The following PTPRR variants were observed in gnomAD, a reference collection of about 807,000 sequenced individuals.
PTPRR encodes receptor-type tyrosine-protein phosphatase R.
A neutral mutation model predicts 77.2 loss-of-function variants in PTPRR; 38 were observed. The ratio of observed to expected loss-of-function variants is 0.49; its 90% CI spans 0.38 to 0.65. PTPRR has a LOEUF of 0.65. Among genes scored for constraint, PTPRR ranks in the 30% least tolerant of loss-of-function variants. The pLI, the probability that PTPRR is intolerant of heterozygous loss-of-function variation, is 0.00. For missense variants in PTPRR, 744 were observed against 799.2 expected (o/e 0.93, Z 0.83); for synonymous variants, 299 against 283.1 (o/e 1.06, Z -0.57).
intron 10 of PTPRR, among the ~76,000 whole-genome samples, chr12:70,676,619 T>C (rs1371470069): frequency 1.3e-5 from 2 of 152,076 alleles, no homozygotes; most frequent in African/African-American, 4.8e-5. Context: ...AATGTGATAC[T>C]TCAGTGCATG....
At chr12:70,710,788 A>G (rs1032337048) in intron 6 of PTPRR, among the ~76,000 whole-genome samples, 3 of 152,334 alleles carry the variant, frequency 2.0e-5, no homozygotes, top group Non-Finnish European at 2.9e-5. Context: ...GTCAACAATC[A>G]TATGAAAAAA....
chr12:70,754,562 T>C (rs751944039), intron 4 of PTPRR: 1 of 1,596,430 alleles, frequency 6.3e-7, no homozygotes, highest in Non-Finnish European at 8.5e-7. Context: ...TAAACATCCC[T>C]CAGCGTCTCT....
chr12:70,779,536 T>C (rs4760744), intron 2 of PTPRR, among the ~76,000 whole-genome samples: 51,556 of 152,086 alleles, frequency 0.34, 10,717 homozygotes, highest in East Asian at 0.51. Context: ...CTGCTTTCTT[T>C]TCCTCATAGC....
At chr12:70,770,558 G>C (rs1352467399) in intron 2 of PTPRR, among the ~76,000 whole-genome samples, 1 of 152,154 alleles carries the variant, frequency 6.6e-6, no homozygotes, top group Non-Finnish European at 1.5e-5. Flanking sequence ...TTATACTGTT[G>C]GTGGGACTGT....
At chr12:70,658,721 CTT>C (rs78112860) in intron 12 of PTPRR, among the ~76,000 whole-genome samples, 10 of 138,822 alleles carry the variant, frequency 7.2e-5, no homozygotes, top group African/African-American at 5.3e-5. Context: ...GAAATACATC[CTT>C]TTTTTTTTTT....
At chr12:70,920,194 C>G in intron 1 of PTPRR, 139 bp downstream of exon 1, 1 of 852,158 alleles carries the variant, frequency 1.2e-6, no homozygotes, top group South Asian at 1.6e-5. Context: ...ACTCCCTCAC[C>G]CCTTCCCTGT....
intron 2 of PTPRR, among the ~76,000 whole-genome samples, chr12:70,770,421 A>G (rs1302840721): frequency 6.6e-6 from 1 of 152,208 alleles, no homozygotes; most frequent in East Asian, 1.9e-4. Flanking sequence ...GCTCACCATC[A>G]CTGGCCATCA....
chr12:70,747,191 C>T (rs1890240332), intron 5 of PTPRR, among the ~76,000 whole-genome samples: 1 of 152,044 alleles, frequency 6.6e-6, no homozygotes, highest in Non-Finnish European at 1.5e-5. Context: ...TCTTCAGTTT[C>T]CATGACCTTC....
At chr12:70,778,648 T>C (rs1437548671) in intron 2 of PTPRR, among the ~76,000 whole-genome samples, 1 of 152,160 alleles carries the variant, frequency 6.6e-6, no homozygotes, top group East Asian at 1.9e-4. Flanking sequence ...TTCAGCAGAA[T>C]CTTTTCTATT....
intron 2 of PTPRR, among the ~76,000 whole-genome samples, chr12:70,829,643 G>A (rs1243240159): frequency 6.6e-6 from 1 of 152,236 alleles, no homozygotes; most frequent in Non-Finnish European, 1.5e-5. Flanking sequence ...TCTTCTCTCT[G>A]CATGGCACTT....
intron 1 of PTPRR, 57 bp downstream of exon 1, chr12:70,920,276 C>T: frequency 6.5e-7 from 1 of 1,544,498 alleles, no homozygotes; most frequent in Non-Finnish European, 8.9e-7. Flanking sequence ...AGTCCTTAAG[C>T]ATGTGCAGTT....
chr12:70,718,254 C>A (rs1039022794), intron 6 of PTPRR, among the ~76,000 whole-genome samples: 1 of 151,582 alleles, frequency 6.6e-6, no homozygotes, highest in African/African-American at 2.4e-5. Flanking sequence ...AAAATAAATA[C>A]CTCATGGTCC....
At chr12:70,673,030 GCAAAAA>G (rs1182252039) in intron 10 of PTPRR, 1 of 334,076 alleles carries the variant, frequency 3.0e-6, no homozygotes, top group Non-Finnish European at 3.6e-6. Context: ...TCGGGCCAAA[GCAAAAA>G]AAAAAAAAAA....
chr12:70,681,658 C>T (rs1341084330), intron 10 of PTPRR, among the ~76,000 whole-genome samples: 1 of 152,200 alleles, frequency 6.6e-6, no homozygotes, highest in Non-Finnish European at 1.5e-5. Flanking sequence ...TCAAACACTC[C>T]AGTTCAAACA....
At chr12:70,766,845 G>C (rs1049038030) in intron 2 of PTPRR, among the ~76,000 whole-genome samples, 9 of 152,308 alleles carry the variant, frequency 5.9e-5, no homozygotes, top group Admixed American at 4.6e-4. Flanking sequence ...CCAGAAGAGA[G>C]TGGGGGCCAA....
chr12:70,885,959 G>A (rs1893233581), intron 2 of PTPRR, among the ~76,000 whole-genome samples: 1 of 152,110 alleles, frequency 6.6e-6, no homozygotes, highest in Non-Finnish European at 1.5e-5. Context: ...CTCATTCACT[G>A]CACCTGGAGA....
At chr12:70,643,319 G>GT (rs1159082310) in intron 13 of PTPRR, among the ~76,000 whole-genome samples, 1 of 151,696 alleles carries the variant, frequency 6.6e-6, no homozygotes, top group Non-Finnish European at 1.5e-5. Context: ...GTGTGTGTGT[G>GT]TTTTTTGTGT....
intron 2 of PTPRR, among the ~76,000 whole-genome samples, chr12:70,830,850 A>G (rs1448510835): frequency 1.3e-5 from 2 of 152,240 alleles, no homozygotes; most frequent in Non-Finnish European, 2.9e-5. Context: ...CAGCTATGAA[A>G]TATCTTACAC....
intron 10 of PTPRR, among the ~76,000 whole-genome samples, chr12:70,666,019 C>T (rs565727078): frequency 1.4e-3 from 219 of 152,140 alleles, no homozygotes; most frequent in Non-Finnish European, 2.6e-3. Context: ...CCTGGTGCTC[C>T]GATGGAATAT....
Sources: allele counts gnomAD v4.1 joint callset (sites outside exome capture counted in the v4.1 genomes callset), GRCh38; gene constraint gnomAD v4.1.1; transcripts MANE v1.5; gene names NCBI Gene and HGNC (gene_info 2026-07-23, HGNC 2026-07-21).